The following PCA3 variants were observed in gnomAD, a reference collection of about 807,000 sequenced individuals.
PCA3 encodes Differential Display code 3.
chr9:76,776,499 C>CTTTTT, intron 2 of PCA3, among the ~76,000 whole-genome samples: 1 of 136,470 alleles, frequency 7.3e-6, no homozygotes. Flanking sequence ...ACCACATTTT[C>CTTTTT]TTTTTTTTTT....
intron 2 of PCA3, among the ~76,000 whole-genome samples, chr9:76,772,783 C>G (rs2053262417): frequency 6.6e-6 from 1 of 152,100 alleles, no homozygotes; most frequent in Non-Finnish European, 1.5e-5. Flanking sequence ...AGGCTGGTCT[C>G]AAACTCCTGG....
Position 76,774,465 on chromosome 9 carries a change from T to TATTTATTTATTTATTTATTTATTTA in PCA3, n.853-34118_853-34117insATTTATTTATTTATTTATTTATTTA, listed in dbSNP as rs761395945. 9.8e-3 allele frequency among the ~76,000 whole-genome samples: 1,343 copies of TATTTATTTATTTATTTATTTATTTA among 136,916 alleles called. 60 individuals are homozygous for TATTTATTTATTTATTTATTTATTTA. The highest frequency in any genetic ancestry group is 0.034 in the African/African-American group (1,222 of 35,770). The allele number at this position is 136,916 out of a possible 152,430, so 89.8% of individuals were successfully genotyped here. On this transcript the variant is annotated intron_variant and non_coding_transcript_variant, in intron 2 of 5. Transcript: ENST00000644657. ...CAGTTCAACCCTTTTTTTTTTTTTTTTTTTTTTTTTTTGAGATGGAGTCTC... is the reference window on the plus strand; with the variant it reads ...CAGTTCAACCCTTTTTTTTTTTTTTTATTTATTTATTTATTTATTTATTTATTTTTTTTTTTTGAGATGGAGTCTC...
chr9:76,780,190 T>C (rs999202657), intron 2 of PCA3, among the ~76,000 whole-genome samples: 9 of 152,214 alleles, frequency 5.9e-5, no homozygotes, highest in Admixed American at 2.0e-4. Flanking sequence ...TGGTTAGCGA[T>C]AGCTACATGA....
At chr9:76,779,217 A>G (rs2054113876) in intron 2 of PCA3, among the ~76,000 whole-genome samples, 1 of 149,624 alleles carries the variant, frequency 6.7e-6, no homozygotes, top group Admixed American at 6.7e-5. Flanking sequence ...CAATGGACAA[A>G]GTGAAAAACT....
At chr9:76,781,991 G>C (rs572946688) in intron 2 of PCA3, among the ~76,000 whole-genome samples, 8 of 152,280 alleles carry the variant, frequency 5.3e-5, no homozygotes, top group South Asian at 2.1e-4. Flanking sequence ...GAAGCAGGTG[G>C]ATCATGAGGT....
chr9:76,780,352 A>G (rs1239566286), intron 2 of PCA3, among the ~76,000 whole-genome samples: 3 of 152,162 alleles, frequency 2.0e-5, no homozygotes, highest in African/African-American at 7.2e-5. Flanking sequence ...AGACAAGTTG[A>G]GAGACCATTT....
intron 2 of PCA3, chr9:76,778,856 T>C (rs1176984319): frequency 6.6e-6 from 1 of 152,216 alleles, no homozygotes; most frequent in East Asian, 1.9e-4. Flanking sequence ...TTCAATCTCA[T>C]AGTTTTGTCA....
chr9:76,768,583 ATGTGTGTGTGTGTGTGTGTGTGTG>A (rs55793596), intron 2 of PCA3, among the ~76,000 whole-genome samples: 26 of 103,356 alleles, frequency 2.5e-4, no homozygotes, highest in African/African-American at 8.1e-4. Context: ...ATGTATATGT[ATGTGTGTGTGTGTGTGTGTGTGTG>A]TGTGTGTGTG....
At chr9:76,780,487 A>G (rs1294594549) in intron 2 of PCA3, among the ~76,000 whole-genome samples, 3 of 152,044 alleles carry the variant, frequency 2.0e-5, no homozygotes, top group African/African-American at 7.2e-5. Flanking sequence ...GGAGATCAAG[A>G]CCATCCTGGC....
intron 2 of PCA3, among the ~76,000 whole-genome samples, chr9:76,782,385 A>G (rs10121299): frequency 0.077 from 11,680 of 152,178 alleles, 452 homozygotes; most frequent in African/African-American, 0.11. Context: ...TCAGTGGAGT[A>G]GTTAAGACCA....
At position 76,774,460 on chromosome 9, in the gene PCA3, T is replaced by TA. The variant is rs1564272674; in HGVS notation, n.853-34123_853-34122insA. On this transcript the variant is annotated intron_variant and non_coding_transcript_variant, in intron 2 of 5. Coordinates refer to ENST00000644657, the Ensembl canonical transcript of PCA3. ...GCCTCCAGTTCAACCCTTTTTTTTTTTTTTTTTTTTTTTTTTTGAGATGGA... is the reference window on the plus strand; with the variant it reads ...GCCTCCAGTTCAACCCTTTTTTTTTTATTTTTTTTTTTTTTTTTGAGATGGA... 6.2e-3 allele frequency among the ~76,000 whole-genome samples: 859 copies of TA among 138,526 alleles called. 16 individuals are homozygous for TA. Among genetic ancestry groups the TA allele is most frequent in the African/African-American group, 9.1e-3 (339 of 37,168 alleles). The allele number at this position is 138,526 out of a possible 152,430, so 90.9% of individuals were successfully genotyped here.
At chr9:76,777,682 G>A (rs576248669) in intron 2 of PCA3, among the ~76,000 whole-genome samples, 104 of 152,268 alleles carry the variant, frequency 6.8e-4, no homozygotes, top group African/African-American at 2.5e-3. Context: ...ATATAAACAA[G>A]TAGACATGTT....
chr9:76,783,991 A>G (rs2054704283), intron 2 of PCA3: 1 of 152,132 alleles, frequency 6.6e-6, no homozygotes, highest in African/African-American at 2.4e-5. Flanking sequence ...CCCGGAATCC[A>G]CTACCGATTT....
intron 2 of PCA3, among the ~76,000 whole-genome samples, chr9:76,776,083 T>C (rs1219913276): frequency 6.6e-6 from 1 of 152,220 alleles, no homozygotes; most frequent in Non-Finnish European, 1.5e-5. Flanking sequence ...CACAGAGTAA[T>C]CAACTCATGA....
At chr9:76,769,572 C>T (rs916805654) in intron 2 of PCA3, among the ~76,000 whole-genome samples, 6 of 152,168 alleles carry the variant, frequency 3.9e-5, no homozygotes, top group Non-Finnish European at 8.8e-5. Flanking sequence ...ATTACAGGCA[C>T]GTGCCACCAT....
intron 2 of PCA3, among the ~76,000 whole-genome samples, chr9:76,771,984 C>A (rs2053163573): frequency 6.6e-6 from 1 of 152,188 alleles, no homozygotes; most frequent in Admixed American, 6.5e-5. Flanking sequence ...AAACACAAAT[C>A]TGCACTACAG....
intron 2 of PCA3, chr9:76,784,084 C>T (rs957357659): frequency 1.3e-5 from 2 of 152,324 alleles, no homozygotes; most frequent in Middle Eastern, 3.4e-3. Flanking sequence ...GGCTCACCTC[C>T]GTCCCTCCAT....
chr9:76,778,946 C>A (rs1351270545), intron 2 of PCA3: 3 of 152,208 alleles, frequency 2.0e-5, no homozygotes. Context: ...AATGGCTGAG[C>A]ACCACTGAGC....
At chr9:76,779,642 A>G (rs1198392308) in intron 2 of PCA3, 2 of 152,334 alleles carry the variant, frequency 1.3e-5, no homozygotes, top group African/African-American at 4.8e-5. Context: ...AATCTGAAAC[A>G]TTGTCCCTGG....
Sources: gnomAD v4.1 joint callset for allele counts (sites outside exome capture counted in the v4.1 genomes callset) on GRCh38, gnomAD v4.1.1 for gene constraint, MANE v1.5 for transcripts, NCBI Gene and HGNC (gene_info 2026-07-23, HGNC 2026-07-21) for gene names.